Variants in TCERG1L observed in about 807,000 individuals in gnomAD.
TCERG1L encodes the protein transcription elongation regulator 1 like.
A neutral mutation model predicts 56.3 loss-of-function variants in TCERG1L; 37 were observed. The observed-to-expected ratio is 0.66, with a 90% CI of 0.51 to 0.87. The LOEUF (loss-of-function observed/expected upper bound fraction) is 0.87. Among genes scored for constraint, TCERG1L ranks in the 40% least tolerant of loss-of-function variants. The probability of loss-of-function intolerance (pLI) is 0.00; values close to 1 mark genes in which losing one functional copy is unlikely to be tolerated. For missense variants in TCERG1L, 799 were observed against 774.2 expected, an observed-to-expected ratio of 1.03 and a Z score of -0.38; for synonymous variants, 324 against 326.3, an observed-to-expected ratio of 0.99 and a Z score of 0.08.
Position 131,099,417 on chromosome 10 carries a change from C to T in TCERG1L, c.1486-993G>A, listed in dbSNP as rs566576709. ...CCTAATGCTACCCCAAACTCAAGAA[C>T]GTTAAAAATAAACTGAAGATAAGTG... On this transcript the variant is annotated intron_variant, in intron 10 of 11. Coordinates refer to ENST00000368642, the MANE Select transcript of TCERG1L (RefSeq NM_174937.4). Among the ~76,000 whole-genome samples the T allele has an allele frequency of 5.3e-5, 8 of 152,310 alleles. No individual in the cohort carries two copies. In the South Asian group the frequency reaches 1.7e-3, roughly 32 times the overall value.
At position 131,260,562 on chromosome 10, in the gene TCERG1L, CCT is replaced by C. The variant is rs1259641831; in HGVS notation, c.671-120_671-119del. 3.8e-5 allele frequency: 47 copies of C among 1,228,106 alleles called. No individual in the cohort carries two copies. Among genetic ancestry groups the C allele is most frequent in the Non-Finnish European group, 4.5e-5 (43 of 966,088 alleles). 76.1% of individuals were successfully genotyped at this position (1,228,106 alleles called of 1,614,324 possible). ...GAAAACAGGTGAGGGGGGCGCTACCCCTCTTTAATGGAGGCCCACAGTATGTG... is the reference window on the plus strand; with the variant it reads ...GAAAACAGGTGAGGGGGGCGCTACCCCTTTAATGGAGGCCCACAGTATGTG... On this transcript the variant is annotated intron_variant, in intron 3 of 11. Coordinates refer to ENST00000368642, the MANE Select transcript of TCERG1L (RefSeq NM_174937.4). The surrounding 1 kb of genome is among the most constrained non-coding windows in gnomAD (Gnocchi z 5.8).
chr10:131,249,989 G>T (rs935564761), intron 4 of TCERG1L, among the ~76,000 whole-genome samples: 1 of 152,224 alleles, frequency 6.6e-6, no homozygotes, highest in Non-Finnish European at 1.5e-5. Flanking sequence ...CAGAAAGAAC[G>T]CAAGAGCAAA....
At chr10:131,253,674 C>A (rs60897248) in intron 4 of TCERG1L, among the ~76,000 whole-genome samples, 3,116 of 152,240 alleles carry the variant, frequency 0.02, 105 homozygotes, top group African/African-American at 0.071. Flanking sequence ...AGTAGGGCAG[C>A]CATCTCTGCA....
intron 7 of TCERG1L, among the ~76,000 whole-genome samples, chr10:131,141,819 C>T (rs559282353): frequency 6.6e-6 from 1 of 152,196 alleles, no homozygotes; most frequent in Non-Finnish European, 1.5e-5. Context: ...AGGAGCCTGG[C>T]TCAGCCCCTG....
intron 4 of TCERG1L, among the ~76,000 whole-genome samples, chr10:131,239,772 C>T (rs371937738): frequency 1.3e-5 from 2 of 152,210 alleles, no homozygotes; most frequent in African/African-American, 2.4e-5. Context: ...TAAAGGGGAT[C>T]GTATCCTTTT....
chr10:131,129,158 G>A (rs1462973809), intron 8 of TCERG1L, among the ~76,000 whole-genome samples: 1 of 152,064 alleles, frequency 6.6e-6, no homozygotes, highest in East Asian at 1.9e-4. Context: ...GAAGCAGAGG[G>A]CAATACCTGA....
At chr10:131,250,045 C>A (rs1390242213) in intron 4 of TCERG1L, among the ~76,000 whole-genome samples, 2 of 152,218 alleles carry the variant, frequency 1.3e-5, no homozygotes, top group African/African-American at 4.8e-5. Context: ...TAAAGCCACA[C>A]GATTTGAGTC....
At chr10:131,307,602 A>T (rs1036517333) in intron 3 of TCERG1L, among the ~76,000 whole-genome samples, 1 of 152,236 alleles carries the variant, frequency 6.6e-6, no homozygotes, top group Non-Finnish European at 1.5e-5. Context: ...AAAATTCATA[A>T]GATGATTATA....
At chr10:131,231,687 G>A (rs1404114984) in intron 4 of TCERG1L, among the ~76,000 whole-genome samples, 1 of 152,202 alleles carries the variant, frequency 6.6e-6, no homozygotes, top group African/African-American at 2.4e-5. Context: ...CCAGCGCTGT[G>A]GGAGAGAGAT....
At chr10:131,303,577 T>C (rs1488539025) in intron 3 of TCERG1L, among the ~76,000 whole-genome samples, 1 of 152,088 alleles carries the variant, frequency 6.6e-6, no homozygotes, top group East Asian at 1.9e-4. Context: ...TCACGAAATC[T>C]GTGTTTTTAA....
intron 3 of TCERG1L, among the ~76,000 whole-genome samples, chr10:131,299,648 C>A (rs1846739081): frequency 6.6e-6 from 1 of 150,534 alleles, no homozygotes; most frequent in Admixed American, 6.6e-5. Context: ...ATTCCTAGTT[C>A]ATTTATAGGC....
rs1845464299 is a variant in TCERG1L, at chr10:131,116,858, T to C, written c.1336A>G (p.Ile446Val). ...ACACGCTCCTCCAGAGGCAGGAGGA[T>C]CTGCGGGGGCGGCGTCCTTGTGCCT... ...DKGTRTPPPQ[I>V]LLPLEERVTH... The change falls in exon 9 of 12, where the codon ATC becomes GTC. Residue 446 changes from isoleucine (I) to valine (V), a missense_variant. Coordinates refer to ENST00000368642, the MANE Select transcript of TCERG1L (RefSeq NM_174937.4). The C allele has an allele frequency of 1.3e-6, 2 of 1,587,504 alleles. No homozygotes were observed. The highest frequency in any genetic ancestry group is 1.7e-6 in the Non-Finnish European group (2 of 1,167,762).
chr10:131,251,311 G>A (rs12258434), intron 4 of TCERG1L, among the ~76,000 whole-genome samples: 5 of 101,642 alleles, frequency 4.9e-5, no homozygotes, highest in Admixed American at 1.1e-4. Flanking sequence ...CCCTCCCCCC[G>A]GCCCCTCCTC....
chr10:131,208,919 G>A (rs979065195), intron 4 of TCERG1L, among the ~76,000 whole-genome samples: 1 of 152,130 alleles, frequency 6.6e-6, no homozygotes, highest in Non-Finnish European at 1.5e-5. Context: ...TTAGCCAGGC[G>A]TGGTGGCAGG....
chr10:131,199,745 C>A (rs1294363996), intron 4 of TCERG1L, among the ~76,000 whole-genome samples: 1 of 152,206 alleles, frequency 6.6e-6, no homozygotes, highest in Admixed American at 6.5e-5. Flanking sequence ...ACCATCATCA[C>A]ACCCTGTGTT....
intron 4 of TCERG1L, among the ~76,000 whole-genome samples, chr10:131,179,586 T>G (rs1045680188): frequency 6.6e-6 from 1 of 152,072 alleles, no homozygotes; most frequent in Non-Finnish European, 1.5e-5. Flanking sequence ...CCCTGCAAAG[T>G]TCACACAAAG....
Position 131,278,155 on chromosome 10 carries a change from A to C in TCERG1L, c.671-17711T>G, listed in dbSNP as rs375540692. ...ATCTGAGCACCGGTGGGGCTCCTTC[A>C]CCTGACTCTGAAACCCCAGGCAGAG... On this transcript the variant is annotated intron_variant, in intron 3 of 11. Coordinates refer to ENST00000368642, the MANE Select transcript of TCERG1L (RefSeq NM_174937.4). Among the ~76,000 whole-genome samples the C allele has an allele frequency of 1.3e-4, 19 of 151,620 alleles. No individual in the cohort carries two copies. The East Asian group carries it at 3.0e-3, about 24-fold the overall frequency.
At chr10:131,196,632 C>A (rs1845366407) in intron 4 of TCERG1L, among the ~76,000 whole-genome samples, 1 of 152,156 alleles carries the variant, frequency 6.6e-6, no homozygotes, top group South Asian at 2.1e-4. Context: ...CAGGAGGAGC[C>A]CTGGAGCTCG....
chr10:131,306,950 G>A (rs1479399904), intron 3 of TCERG1L, among the ~76,000 whole-genome samples: 1 of 152,162 alleles, frequency 6.6e-6, no homozygotes, highest in Admixed American at 6.5e-5. Flanking sequence ...TAAAGACTTT[G>A]TAGGAACAGG....
Sources: allele counts gnomAD v4.1 joint callset (sites outside exome capture counted in the v4.1 genomes callset), GRCh38; gene constraint gnomAD v4.1.1; non-coding constraint Gnocchi (gnomAD v3.1); transcripts MANE v1.5; gene names NCBI Gene and HGNC (gene_info 2026-07-23, HGNC 2026-07-21).